Variants in MEIS2 observed in about 807,000 individuals in gnomAD.
The protein encoded by MEIS2 is homeobox protein Meis2.
In MEIS2, 9 loss-of-function variants were observed where a neutral mutation model predicts 58.6. The ratio of observed to expected loss-of-function variants is 0.15; its 90% CI spans 0.09 to 0.27. MEIS2 has a LOEUF of 0.27. MEIS2 is among the 10% of genes least tolerant of loss of function. The pLI, the probability that MEIS2 is intolerant of heterozygous loss-of-function variation, is 1.00. For synonymous variants in MEIS2, 221 were observed against 228.4 expected (o/e 0.97, Z 0.29); for missense variants, 427 against 635.0 (o/e 0.67, Z 3.52).
intron 8 of MEIS2, among the ~76,000 whole-genome samples, chr15:36,968,519 G>A (rs549669056): frequency 4.6e-5 from 7 of 152,148 alleles, no homozygotes; most frequent in Non-Finnish European, 7.3e-5. Context: ...GCGAGGCCTG[G>A]GAAGAGATTG....
At chr15:36,911,682 C>G (rs757185231) in intron 9 of MEIS2, among the ~76,000 whole-genome samples, 1 of 152,146 alleles carries the variant, frequency 6.6e-6, no homozygotes, top group Non-Finnish European at 1.5e-5. Flanking sequence ...GAGGTCAGCC[C>G]GGCGAAGGGC....
In MEIS2 at chr15:36,892,516, T is replaced by TACCC; in HGVS notation, c.1148-61_1148-58dup. On this transcript the variant is annotated intron_variant, in intron 11 of 11. Coordinates refer to ENST00000561208, the MANE Select transcript of MEIS2 (RefSeq NM_170675.5). The stretch of plus-strand genomic sequence containing the variant: ...CAAATTCCTAAACATTTTTATACTT[T>TACCC]ACCCATCAAAGATGAAAAGAAAAAA... 2.6e-6 allele frequency: 3 copies of TACCC among 1,166,114 alleles called. No individual in the cohort carries two copies. The East Asian group carries it at 7.8e-5, about 30-fold the overall frequency. 72.2% of individuals were successfully genotyped at this position (1,166,114 alleles called of 1,614,324 possible).
chr15:36,973,119 C>G (rs1359591667), intron 8 of MEIS2, among the ~76,000 whole-genome samples: 1 of 152,128 alleles, frequency 6.6e-6, no homozygotes, highest in Non-Finnish European at 1.5e-5. Context: ...GTTTGCTCAT[C>G]TATAAAATAG....
chr15:36,983,040 C>A (rs778596185), intron 8 of MEIS2, among the ~76,000 whole-genome samples: 32 of 152,030 alleles, frequency 2.1e-4, no homozygotes, highest in Non-Finnish European at 4.1e-4. Context: ...TTAAACACTT[C>A]GGATATTATC....
intron 9 of MEIS2, among the ~76,000 whole-genome samples, chr15:36,915,104 T>C (rs1324590407): frequency 6.6e-6 from 1 of 152,078 alleles, no homozygotes; most frequent in Non-Finnish European, 1.5e-5. Context: ...GGTGCAAATC[T>C]GATAAGGGGT....
chr15:36,892,535 G>GAAAAAA (rs1271676407), intron 11 of MEIS2, 76 bp from the exon 12 acceptor site: 26 of 513,652 alleles, frequency 5.1e-5, no homozygotes, highest in South Asian at 1.5e-4. Flanking sequence ...AAGATGAAAA[G>GAAAAAA]AAAAAAAAAA....
At chr15:36,948,149 T>C (rs986302188) in intron 9 of MEIS2, among the ~76,000 whole-genome samples, 7 of 151,984 alleles carry the variant, frequency 4.6e-5, no homozygotes, top group African/African-American at 1.7e-4. Flanking sequence ...GAAGATGGAA[T>C]TATTTTGTAG....
chr15:36,930,036 C>G (rs1163268562), intron 9 of MEIS2, among the ~76,000 whole-genome samples: 2 of 151,802 alleles, frequency 1.3e-5, no homozygotes, highest in Non-Finnish European at 2.9e-5. Flanking sequence ...AACCCCATCT[C>G]TACTAAAAAT....
intron 8 of MEIS2, among the ~76,000 whole-genome samples, chr15:36,985,344 C>G (rs191687023): frequency 1.3e-5 from 2 of 152,244 alleles, no homozygotes; most frequent in East Asian, 3.9e-4. Context: ...GCTCTTGTGC[C>G]TTTAGCTTCC....
intron 8 of MEIS2, among the ~76,000 whole-genome samples, chr15:36,974,995 T>C (rs2059691861): frequency 6.6e-6 from 1 of 152,190 alleles, no homozygotes; most frequent in South Asian, 2.1e-4. Context: ...GAAAACCTTA[T>C]TATCAAGGCT....
chr15:37,006,975 C>T (rs891723210), intron 8 of MEIS2, among the ~76,000 whole-genome samples: 1 of 152,212 alleles, frequency 6.6e-6, no homozygotes, highest in Admixed American at 6.5e-5. Context: ...GTAGGATCGT[C>T]TGCCACCTTT....
intron 9 of MEIS2, among the ~76,000 whole-genome samples, chr15:36,922,546 A>G (rs772165759): frequency 6.6e-6 from 1 of 151,714 alleles, no homozygotes; most frequent in Non-Finnish European, 1.5e-5. Flanking sequence ...CTTGAGGAGT[A>G]TCTACCTCTA....
chr15:37,015,194 C>T (rs58788292), intron 8 of MEIS2, among the ~76,000 whole-genome samples: 3,094 of 152,306 alleles, frequency 0.02, 113 homozygotes, highest in African/African-American at 0.069. Flanking sequence ...CGTGCAGCCC[C>T]AGAGGGCACA....
At chr15:37,045,725 C>T (rs933504359) in intron 7 of MEIS2, among the ~76,000 whole-genome samples, 54 of 152,088 alleles carry the variant, frequency 3.6e-4, no homozygotes, top group African/African-American at 1.2e-3. Flanking sequence ...CTTAACTGTC[C>T]GGACATGTTA....
intron 7 of MEIS2, among the ~76,000 whole-genome samples, chr15:37,045,456 G>C (rs2141777591): frequency 1.3e-5 from 2 of 151,670 alleles, no homozygotes; most frequent in South Asian, 2.1e-4. Context: ...TGAGAAACCT[G>C]CATCAGGATT....
At chr15:36,990,051 T>G (rs1027327489) in intron 8 of MEIS2, among the ~76,000 whole-genome samples, 1 of 152,090 alleles carries the variant, frequency 6.6e-6, no homozygotes, top group African/African-American at 2.4e-5. Flanking sequence ...TTCATGCCAT[T>G]CTCCTGCCTC....
intron 8 of MEIS2, among the ~76,000 whole-genome samples, chr15:37,027,706 T>C (rs1475680220): frequency 6.6e-6 from 1 of 152,198 alleles, no homozygotes; most frequent in African/African-American, 2.4e-5. Flanking sequence ...TTTGGTTTCT[T>C]TTTGATGGTA....
chr15:36,971,007 A>G (rs1156816670), intron 8 of MEIS2, among the ~76,000 whole-genome samples: 2 of 151,440 alleles, frequency 1.3e-5, no homozygotes, highest in Non-Finnish European at 2.9e-5. Context: ...AGAAGTTTTA[A>G]TTTTCCCATT....
chr15:37,099,611 G>T lies in MEIS2; in HGVS notation c.-145C>A. On this transcript the variant is annotated 5_prime_UTR_variant, in exon 1 of 12. Coordinates refer to ENST00000561208, the MANE Select transcript of MEIS2 (RefSeq NM_170675.5). ...AATTCTCCAATATGCTATTTTTTAG[G>T]GGGGAAAAAAAGCCCAGTCTAGACA... 8.2e-7 allele frequency: 1 copy of T among 1,217,214 alleles called. No homozygotes were observed. Among genetic ancestry groups the T allele is most frequent in the Non-Finnish European group, 1.1e-6 (1 of 893,602 alleles). 75.4% of individuals were successfully genotyped at this position (1,217,214 alleles called of 1,614,324 possible).
Sources: gnomAD v4.1 joint callset for allele counts (sites outside exome capture counted in the v4.1 genomes callset) on GRCh38, gnomAD v4.1.1 for gene constraint, MANE v1.5 for transcripts, NCBI Gene and HGNC (gene_info 2026-07-23, HGNC 2026-07-21) for gene names.